The following ABCC6 variants were observed in gnomAD, a reference collection of about 807,000 sequenced individuals.
ABCC6 encodes the protein ATP-binding cassette sub-family C member 6.
In ABCC6, 126 loss-of-function variants were observed where a neutral mutation model predicts 169.5. The ratio of observed to expected loss-of-function variants is 0.74; its 90% CI spans 0.64 to 0.86. ABCC6 has a LOEUF of 0.86. ABCC6 is among the 40% of genes least tolerant of loss of function. ABCC6 has a pLI of 0.00. For missense variants in ABCC6, 1,733 were observed against 1,927.2 expected, an observed-to-expected ratio of 0.90 and a Z score of 1.89; for synonymous variants, 752 against 814.7, an observed-to-expected ratio of 0.92 and a Z score of 1.31.
rs1031314455 is a variant in ABCC6, at chr16:16,173,511, T to C, written c.2667-107A>G. ...CAGCCACTGAGCTCTGGGTACACTC[T>C]GTACTCTTTCATTCATTCATTTATC... On this transcript the variant is annotated intron_variant, in intron 20 of 30. Transcript: ENST00000205557. The C allele has an allele frequency of 7.5e-6, 10 of 1,336,194 alleles. No individual in the cohort carries two copies. The Admixed American group carries it at 8.4e-5, about 11-fold the overall frequency. The allele number at this position is 1,336,194 out of a possible 1,614,324, so 82.8% of individuals were successfully genotyped here. A position where few individuals can be genotyped will look rare whatever the true frequency, so the allele number is the denominator to read the frequency against.
At position 16,149,944 on chromosome 16, in the gene ABCC6, T is replaced by C. The variant is rs2046341610; in HGVS notation, c.*189A>G. 1 of 859,142 alleles carries C rather than the reference T, an allele frequency of 1.2e-6. No homozygotes were observed. The highest frequency in any genetic ancestry group is 1.8e-6 in the Non-Finnish European group (1 of 541,192). The allele number at this position is 859,142 out of a possible 1,614,324, so 53.2% of individuals were successfully genotyped here. On this transcript the variant is annotated 3_prime_UTR_variant, in exon 31 of 31. Transcript: ENST00000205557. Reference sequence around the variant, plus strand: ...GGCCCTGCCCGGGCAGACCTGTGTATTGCTAGGTCCTTCCGGCTCTGATGC... The same window carrying C: ...GGCCCTGCCCGGGCAGACCTGTGTACTGCTAGGTCCTTCCGGCTCTGATGC...
chr16:16,162,044 C>T (rs778584855), intron 24 of ABCC6, among the ~76,000 whole-genome samples: 11 of 152,200 alleles, frequency 7.2e-5, no homozygotes, highest in Non-Finnish European at 1.5e-4. Flanking sequence ...GTTCCCACCT[C>T]ATGCTCTCCC....
At chr16:16,201,436 G>A (rs1185806416) in intron 9 of ABCC6, among the ~76,000 whole-genome samples, 1 of 152,212 alleles carries the variant, frequency 6.6e-6, no homozygotes, top group South Asian at 2.1e-4. Flanking sequence ...AGTGAGAACA[G>A]CTGCAAAGGC....
At chr16:16,173,548 T>G in intron 20 of ABCC6, 144 bp from the exon 21 acceptor site, 1 of 1,041,876 alleles carries the variant, frequency 9.6e-7, no homozygotes, top group South Asian at 1.4e-5. Flanking sequence ...AACAGAATAC[T>G]GACCAGATAT....
chr16:16,158,983 C>T (rs959042933), intron 26 of ABCC6, among the ~76,000 whole-genome samples: 1 of 151,158 alleles, frequency 6.6e-6, no homozygotes, highest in Non-Finnish European at 1.5e-5. Flanking sequence ...TATTACATTG[C>T]TATGTTGTGG....
chr16:16,189,102 G>T, intron 12 of ABCC6, 128 bp from the exon 13 acceptor site: 1 of 1,080,376 alleles, frequency 9.3e-7, no homozygotes, highest in Non-Finnish European at 1.4e-6. Flanking sequence ...GCTTCCCTCC[G>T]TAGATCCCAC....
rs1161002650 is a variant in ABCC6, at chr16:16,165,789, C to A, written c.3140G>T (p.Arg1047Leu). Reference sequence around the variant, plus strand: ...AACCGTGTCTGTCTCCTTGGAGAAGCGGTTTAGCAGGTGACCAATGGGTGT... The same window carrying A: ...AACCGTGTCTGTCTCCTTGGAGAAGAGGTTTAGCAGGTGACCAATGGGTGT... ...ERTPIGHLLN[R>L]FSKETDTVDV... The change falls in exon 23 of 31, where the codon CGC (arginine) becomes CTC (leucine). Residue 1047 changes from arginine to leucine, a missense_variant. By Grantham distance (102) the Arg-to-Leu change is moderately radical (BLOSUM62 -2). Transcript: ENST00000205557. The A allele has an allele frequency of 6.2e-7, 1 of 1,613,714 alleles. No individual in the cohort carries two copies. Among genetic ancestry groups the A allele is most frequent in the Admixed American group, 1.7e-5 (1 of 60,022 alleles).
rs772512747 is a variant in ABCC6, at chr16:16,154,579, T to TC, written c.4208+48dup. 1.9e-6 allele frequency: 3 copies of TC among 1,609,592 alleles called. No homozygotes were observed. In the South Asian group the frequency reaches 3.3e-5, roughly 18 times the overall value. On this transcript the variant is annotated intron_variant, in intron 29 of 30. Coordinates refer to ENST00000205557, the MANE Select transcript of ABCC6 (RefSeq NM_001171.6). Reference sequence around the variant, plus strand: ...AAGGCCCTTGGGGAGGGCATGGCCATCCCCTCCTCTCCCACCTGCAGGTCC... The same window carrying TC: ...AAGGCCCTTGGGGAGGGCATGGCCATCCCCCTCCTCTCCCACCTGCAGGTCC...
Position 16,173,386 on chromosome 16 carries a change from A to C in ABCC6, c.2685T>G (p.Pro895=), listed in dbSNP as rs760288790. 9 of 1,614,124 alleles carry C rather than the reference A, an allele frequency of 5.6e-6. No individual in the cohort carries two copies. Among genetic ancestry groups the C allele is most frequent in the Non-Finnish European group, 6.8e-6 (8 of 1,180,018 alleles). Residue 895 remains proline (P), a synonymous_variant, in exon 21 of 31, where the codon CCT becomes CCG. Coordinates refer to ENST00000205557, the MANE Select transcript of ABCC6 (RefSeq NM_001171.6). ...LRRERSIKSV[P]EKDRTTSEAQ... The stretch of plus-strand genomic sequence containing the variant: ...CTTCTGAAGTGGTACGGTCCTTCTC[A>C]GGGACTGACTTGATGGACCTGTCAT...
Position 16,182,532 on chromosome 16 carries a change from C to T in ABCC6, c.2127G>A (p.Glu709=). The T allele has an allele frequency of 6.2e-7, 1 of 1,614,188 alleles. No individual in the cohort carries two copies. The highest frequency in any genetic ancestry group is 8.5e-7 in the Non-Finnish European group (1 of 1,180,034). ...CCAGCTCCTGCCCGAAGCACACATT[C>T]TCTACCACAGAGGTGTTCTGCACCC... The part of the protein sequence containing the change: ...EAWVQNTSVV[E]NVCFGQELDP... The change falls in exon 17 of 31, where the codon GAG becomes GAA. Residue 709 remains glutamate (E), a synonymous_variant. Coordinates refer to ENST00000205557, the MANE Select transcript of ABCC6 (RefSeq NM_001171.6).
chr16:16,155,355 C>G (rs2046517827), intron 27 of ABCC6: 1 of 442,016 alleles, frequency 2.3e-6, no homozygotes, highest in African/African-American at 2.0e-5. Context: ...TCTACCCCAT[C>G]CCATCCATCT....
Position 16,150,624 on chromosome 16 carries a change from C to T in ABCC6, c.4357G>A (p.Val1453Met). The T allele has an allele frequency of 6.2e-7, 1 of 1,613,522 alleles. No individual in the cohort carries two copies. The stretch of plus-strand genomic sequence containing the variant: ...CGCAGGCGGTGGGCAATGAGCAGCA[C>T]AGTGCACTGTGCAAACCAGCTCCCG... ...MLGSWFAQCT[V>M]LLIAHRLRSV... Residue 1453 changes from valine to methionine, a missense_variant, in exon 30 of 31, where the codon GTG becomes ATG. Coordinates refer to ENST00000205557, the MANE Select transcript of ABCC6 (RefSeq NM_001171.6).
intron 5 of ABCC6, among the ~76,000 whole-genome samples, chr16:16,212,483 T>G (rs980663775): frequency 3.3e-5 from 5 of 149,926 alleles, no homozygotes; most frequent in African/African-American, 7.5e-5. Flanking sequence ...TAATTTTTTG[T>G]GTTTTTAGTA....
intron 25 of ABCC6, among the ~76,000 whole-genome samples, chr16:16,160,692 G>C (rs1042545488): frequency 7.6e-5 from 11 of 145,526 alleles, no homozygotes; most frequent in African/African-American, 2.3e-4. Context: ...TGTAGTCCCA[G>C]CTAATTGGGA....
In ABCC6 at chr16:16,169,818, G is replaced by A. The variant is rs1339372255; in HGVS notation, c.2823C>T (p.Ala941=). 8.3e-6 allele frequency: 13 copies of A among 1,562,866 alleles called. No homozygotes were observed. The highest frequency in any genetic ancestry group is 1.7e-4 in the Middle Eastern group (1 of 5,806). ...KATVHLAYLR[A]VGTPLCLYAL... is the part of the protein sequence containing the mutation. ...CGTAGAGGCAGAGGGGGGTGCCCAC[G>A]GCACGCAGGTAGGCCAGGTGCACTG... Residue 941 remains alanine (A), a synonymous_variant, in exon 22 of 31, where the codon GCC becomes GCT. Transcript: ENST00000205557.
chr16:16,203,209 AGCTT>A (rs2048298256), intron 8 of ABCC6, among the ~76,000 whole-genome samples, 197 bp downstream of exon 8: 1 of 152,220 alleles, frequency 6.6e-6, no homozygotes, highest in Admixed American at 6.5e-5. Context: ...GTCAGGTAAG[AGCTT>A]GCTTATTTGC....
At chr16:16,221,332 T>C (rs1346209962) in intron 2 of ABCC6, 1 of 1,390,628 alleles carries the variant, frequency 7.2e-7, no homozygotes, top group Non-Finnish European at 9.3e-7. Flanking sequence ...GCTCTAAAAT[T>C]ACCTTGTGTA....
At chr16:16,207,043 G>A (rs2048414770) in intron 7 of ABCC6, among the ~76,000 whole-genome samples, 1 of 152,222 alleles carries the variant, frequency 6.6e-6, no homozygotes, top group Admixed American at 6.5e-5. Flanking sequence ...AGAAGGCTGA[G>A]GCAGGAGAAT....
intron 27 of ABCC6, chr16:16,155,563 T>C: frequency 6.1e-6 from 1 of 163,276 alleles, no homozygotes. Flanking sequence ...TCATTTATTT[T>C]CTCCCATCCA....
Sources: gnomAD v4.1 joint callset for allele counts (sites outside exome capture counted in the v4.1 genomes callset) on GRCh38, gnomAD v4.1.1 for gene constraint, MANE v1.5 for transcripts, NCBI Gene and HGNC (gene_info 2026-07-23, HGNC 2026-07-21) for gene names.